Variants in WDR86 observed in about 807,000 individuals in gnomAD.
The protein encoded by WDR86 is WD repeat-containing protein 86.
In WDR86, 30 loss-of-function variants were observed where a neutral mutation model predicts 36.5. The ratio of observed to expected loss-of-function variants is 0.82; its 90% CI spans 0.61 to 1.11. The LOEUF is 1.11. WDR86 is among the 50% of genes most tolerant of loss of function. The pLI, the probability that WDR86 is intolerant of heterozygous loss-of-function variation, is 0.00. For synonymous variants in WDR86, 255 were observed against 252.9 expected (o/e 1.01, Z -0.08); for missense variants, 545 against 561.2 (o/e 0.97, Z 0.29).
At chr7:151,391,153 T>C (rs1446711018) in intron 3 of WDR86, among the ~76,000 whole-genome samples, 1 of 152,190 alleles carries the variant, frequency 6.6e-6, no homozygotes, top group South Asian at 2.1e-4. Flanking sequence ...GTGGCGGCGA[T>C]GGCCCTCGGT....
downstream of WDR86, chr7:151,374,142 C>T (rs1471492118): frequency 2.5e-6 from 4 of 1,573,336 alleles, no homozygotes; most frequent in East Asian, 2.4e-5. Context: ...GAAAAGACGC[C>T]GCCTCGAGAA....
At chr7:151,374,978 A>G (rs4726018), downstream of WDR86, among the ~76,000 whole-genome samples, 127,926 of 150,038 alleles carry the variant, frequency 0.85, 54,522 homozygotes, top group East Asian at 0.99. Context: ...GGCAGGAAGC[A>G]GAGTGGTAGG....
intron 3 of WDR86, among the ~76,000 whole-genome samples, chr7:151,389,984 C>T (rs1030606025): frequency 6.6e-6 from 1 of 152,124 alleles, no homozygotes; most frequent in Non-Finnish European, 1.5e-5. Context: ...ATGGGGGTGC[C>T]GGTGAGCCAG....
At chr7:151,402,062 AAAAAAAAAATAT>A (rs1199398236) in intron 1 of WDR86, among the ~76,000 whole-genome samples, 26 of 75,476 alleles carry the variant, frequency 3.4e-4, no homozygotes, top group African/African-American at 1.6e-3. Context: ...AAAAAAAAAA[AAAAAAAAAATAT>A]ATATATATAT....
At chr7:151,376,122 G>T, downstream of WDR86, 1 of 571,180 alleles carries the variant, frequency 1.8e-6, no homozygotes, top group Non-Finnish European at 3.2e-6. Context: ...GGCAGGGGAG[G>T]CCTCCTTGGA....
chr7:151,408,608 G>A (rs1800920142), intron 1 of WDR86: 1 of 249,164 alleles, frequency 4.0e-6, no homozygotes, highest in South Asian at 5.2e-5. Context: ...TGATGATGGT[G>A]GAAAAGCCCG....
At chr7:151,402,091 A>ATATATATATATATATATATATATC (rs1365492180) in intron 1 of WDR86, among the ~76,000 whole-genome samples, 8 of 124,196 alleles carry the variant, frequency 6.4e-5, no homozygotes, top group African/African-American at 2.3e-4. Flanking sequence ...ATATATATAT[A>ATATATATATATATATATATATATC]TCTCCACAAA....
rs1184777897 is a variant in WDR86 at position 151,388,236 on chromosome 7, A to G, written c.727-3013T>C. ...AATGCTTCGTTTCTTTAAAATCACAATGTTGCTATCTGATTTCAAAACTGG... is the reference window on the plus strand; with the variant it reads ...AATGCTTCGTTTCTTTAAAATCACAGTGTTGCTATCTGATTTCAAAACTGG... On this transcript the variant is annotated intron_variant, in intron 3 of 5. Coordinates refer to ENST00000334493, the MANE Select transcript of WDR86 (RefSeq NM_198285.3). This position sits in a 1 kb window ranked among gnomAD's most constrained non-coding sequence, Gnocchi z 4.2. Among the ~76,000 whole-genome samples, 1 of 152,230 alleles carries G rather than the reference A, an allele frequency of 6.6e-6. No homozygotes were observed. Among genetic ancestry groups the G allele is most frequent in the Non-Finnish European group, 1.5e-5 (1 of 68,040 alleles).
chr7:151,394,909 G>A (rs570229488), intron 3 of WDR86, among the ~76,000 whole-genome samples: 57 of 152,354 alleles, frequency 3.7e-4, no homozygotes, highest in Admixed American at 1.0e-3. Context: ...GCCAGACTCT[G>A]CCACCAGGCG....
At chr7:151,398,871 G>T (rs751451092) in intron 2 of WDR86, among the ~76,000 whole-genome samples, 1 of 152,136 alleles carries the variant, frequency 6.6e-6, no homozygotes, top group Non-Finnish European at 1.5e-5. Flanking sequence ...CCTTCTCCCC[G>T]CTGAGCCCAT....
Position 151,385,118 on chromosome 7 carries a change from C to T in WDR86, c.832G>A (p.Val278Met), listed in dbSNP as rs768372913. Reference sequence around the variant, plus strand: ...CCCGCGTGGTACTTGAGGGCGCTCACGTTGCGTCTGTGGGCCGTGAACGTG... The same window carrying T: ...CCCGCGTGGTACTTGAGGGCGCTCATGTTGCGTCTGTGGGCCGTGAACGTG... ...VRTFTAHRRNVSALKYHAGTL... is the reference protein window; with the variant it reads ...VRTFTAHRRNMSALKYHAGTL... The change falls in exon 4 of 6, where the codon GTG becomes ATG. Residue 278 changes from valine (V) to methionine (M), a missense_variant. By Grantham distance (21) the Val-to-Met change is conservative. Coordinates refer to ENST00000334493, the MANE Select transcript of WDR86 (RefSeq NM_198285.3). The T allele has an allele frequency of 5.0e-6, 8 of 1,611,318 alleles. No individual in the cohort carries two copies. Among genetic ancestry groups the T allele is most frequent in the South Asian group, 2.2e-5 (2 of 90,930 alleles).
chr7:151,403,875 A>G (rs1231019827), intron 1 of WDR86, among the ~76,000 whole-genome samples: 2 of 152,236 alleles, frequency 1.3e-5, no homozygotes, highest in Non-Finnish European at 2.9e-5. Context: ...ATGGAAAGGT[A>G]ATCAAGGTGT....
rs995234124 is a variant in WDR86 at position 151,401,069 on chromosome 7, C to T, written c.164-828G>A. 2.0e-5 allele frequency among the ~76,000 whole-genome samples: 3 copies of T among 152,190 alleles called. No homozygotes were observed. Among genetic ancestry groups the T allele is most frequent in the Non-Finnish European group, 4.4e-5 (3 of 68,048 alleles). ...ACCCAGAACATGCTTCCCAGCAACCCCCTTGCCCACCTGCTCATGAATAAT... is the reference window on the plus strand; with the variant it reads ...ACCCAGAACATGCTTCCCAGCAACCTCCTTGCCCACCTGCTCATGAATAAT... On this transcript the variant is annotated intron_variant, in intron 1 of 5. Transcript: ENST00000334493. This position sits in a 1 kb window ranked among gnomAD's most constrained non-coding sequence, Gnocchi z 4.3.
At chr7:151,407,461 T>G (rs1480578354) in intron 1 of WDR86, among the ~76,000 whole-genome samples, 1 of 152,176 alleles carries the variant, frequency 6.6e-6, no homozygotes. Context: ...AATTGTGGGC[T>G]AAGCTGGGCT....
chr7:151,407,082 C>T (rs1800759263), intron 1 of WDR86, among the ~76,000 whole-genome samples: 1 of 152,198 alleles, frequency 6.6e-6, no homozygotes, highest in South Asian at 2.1e-4. Context: ...GACCTCTGTC[C>T]CCGTCCTTGA....
At chr7:151,383,473 C>CAAA (rs60998418) in intron 4 of WDR86, among the ~76,000 whole-genome samples, 1 of 130,394 alleles carries the variant, frequency 7.7e-6, no homozygotes, top group African/African-American at 2.9e-5. Flanking sequence ...GACTCCGTCT[C>CAAA]AAAAAAAAAA....
chr7:151,375,942 G>T (rs376679280), exon 2 of WDR86: 2 of 1,604,576 alleles, frequency 1.2e-6, no homozygotes, highest in African/African-American at 1.3e-5. Context: ...AACATTGACC[G>T]AGTGAGTGAC....
Position 151,401,214 on chromosome 7 carries a change from G to T in WDR86, c.164-973C>A, listed in dbSNP as rs1208078687. ...CTGCCTATTCTGCACCTAACTTTCA[G>T]GGTATTCTTCCTCCTGTGCAATACA... is the stretch of plus-strand genomic sequence containing the variant. On this transcript the variant is annotated intron_variant, in intron 1 of 5. Coordinates refer to ENST00000334493, the MANE Select transcript of WDR86 (RefSeq NM_198285.3). The surrounding 1 kb of genome is among the most constrained non-coding windows in gnomAD (Gnocchi z 4.3). Among the ~76,000 whole-genome samples the T allele has an allele frequency of 1.3e-5, 2 of 152,188 alleles. No individual in the cohort carries two copies. The highest frequency in any genetic ancestry group is 4.8e-5 in the African/African-American group (2 of 41,440).
chr7:151,397,341 C>G (rs192877770), intron 2 of WDR86, among the ~76,000 whole-genome samples: 1 of 152,376 alleles, frequency 6.6e-6, no homozygotes, highest in African/African-American at 2.4e-5. Flanking sequence ...CTCAACGACA[C>G]ATGACTCCAC....
Sources: allele counts gnomAD v4.1 joint callset (sites outside exome capture counted in the v4.1 genomes callset), GRCh38; gene constraint gnomAD v4.1.1; non-coding constraint Gnocchi (gnomAD v3.1); transcripts MANE v1.5; gene names NCBI Gene and HGNC (gene_info 2026-07-23, HGNC 2026-07-21).